The following RIMBP2 variants were observed in gnomAD, a reference collection of about 807,000 sequenced individuals.
RIMBP2 encodes the protein RIMS binding protein 2, also known as RIMS-binding protein 2.
In RIMBP2, 48 loss-of-function variants were observed where a neutral mutation model predicts 118.6. That is an observed-to-expected ratio of 0.40 (90% CI 0.32 to 0.51). The LOEUF (loss-of-function observed/expected upper bound fraction) is 0.51, where lower values mean the gene tolerates loss of function less well. RIMBP2 is among the 20% of genes least tolerant of loss of function. RIMBP2 has a pLI of 0.41. For synonymous variants in RIMBP2, 762 were observed against 742.9 expected, an observed-to-expected ratio of 1.03 and a Z score of -0.42; for missense variants, 1,551 against 1,768.3, an observed-to-expected ratio of 0.88 and a Z score of 2.20.
chr12:130,439,253 T>C (rs1284811356), intron 11 of RIMBP2, among the ~76,000 whole-genome samples: 1 of 151,918 alleles, frequency 6.6e-6, no homozygotes, highest in Non-Finnish European at 1.5e-5. Context: ...TGTATGTATA[T>C]GTACATGTGT....
At chr12:130,435,582 C>G (rs763387295) in intron 13 of RIMBP2, among the ~76,000 whole-genome samples, 5 of 152,186 alleles carry the variant, frequency 3.3e-5, no homozygotes, top group Non-Finnish European at 5.9e-5. Context: ...GTCCTGCCCA[C>G]GGCCTCCCCA....
rs572127584 is a variant in RIMBP2, at chr12:130,520,473, T to C, written c.-216-2556A>G. Among the ~76,000 whole-genome samples, 6 of 151,890 alleles carry C rather than the reference T, an allele frequency of 4.0e-5. No homozygotes were observed. In the South Asian group the frequency reaches 6.3e-4, roughly 16 times the overall value. ...TGAGGTCAGGAGTTCAAGACCAGCC[T>C]GGTCATGGTGAAACCCCGCCTCTAC... On this transcript the variant is annotated intron_variant, in intron 2 of 22. Transcript: ENST00000690449.
intron 11 of RIMBP2, among the ~76,000 whole-genome samples, chr12:130,440,989 T>C (rs1036692823): frequency 6.6e-6 from 1 of 151,646 alleles, no homozygotes; most frequent in Non-Finnish European, 1.5e-5. Context: ...CTCCCTACCA[T>C]CTCCCCAGGA....
chr12:130,678,918 G>A lies in RIMBP2; in HGVS notation c.-352+37304C>T, dbSNP rs576854623. On this transcript the variant is annotated intron_variant, in intron 1 of 22. Transcript: ENST00000690449. ...CGGGGGCTTGGAGTGGGGATGAGGC[G>A]TGACGGCCAGAGGGGACAGGGTTTG... Among the ~76,000 whole-genome samples, 6 of 152,312 alleles carry A rather than the reference G, an allele frequency of 3.9e-5. 1 individual carries two copies. In the South Asian group the frequency reaches 8.3e-4, roughly 21 times the overall value.
chr12:130,710,748 T>G lies in RIMBP2; in HGVS notation c.-352+5474A>C, dbSNP rs964808063. On this transcript the variant is annotated intron_variant, in intron 1 of 22. Coordinates refer to ENST00000690449, the MANE Select transcript of RIMBP2 (RefSeq NM_001393629.1). This position sits in a 1 kb window ranked among gnomAD's most constrained non-coding sequence, Gnocchi z 4.3. Reference sequence around the variant, plus strand: ...CACACTGGGTCTCTCCAGCAAGTGCTTATCCAGCACCTACTAATGACAGAC... The same window carrying G: ...CACACTGGGTCTCTCCAGCAAGTGCGTATCCAGCACCTACTAATGACAGAC... 3.9e-5 allele frequency among the ~76,000 whole-genome samples: 6 copies of G among 152,202 alleles called. No homozygotes were observed. Among genetic ancestry groups the G allele is most frequent in the Non-Finnish European group, 8.8e-5 (6 of 68,038 alleles).
rs112485049 is a variant in RIMBP2, at chr12:130,532,778, C to T, written c.-216-14861G>A. Among the ~76,000 whole-genome samples the T allele has an allele frequency of 9.0e-3, 1,325 of 147,518 alleles. 14 individuals are homozygous for T. Among genetic ancestry groups the T allele is most frequent in the African/African-American group, 0.031 (1,249 of 39,954 alleles). On this transcript the variant is annotated intron_variant, in intron 2 of 22. Coordinates refer to ENST00000690449, the MANE Select transcript of RIMBP2 (RefSeq NM_001393629.1). Reference sequence around the variant, plus strand: ...CTAATGAGATGCGTGTGTTCAGCCTCTAGGAGTTACGTCTAATGAGATGCG... The same window carrying T: ...CTAATGAGATGCGTGTGTTCAGCCTTTAGGAGTTACGTCTAATGAGATGCG...
chr12:130,697,170 C>T (rs922667302), intron 1 of RIMBP2, among the ~76,000 whole-genome samples: 36 of 152,134 alleles, frequency 2.4e-4, no homozygotes, highest in African/African-American at 8.7e-4. Flanking sequence ...GACACAATAC[C>T]GGACGAAAGC....
At chr12:130,461,841 C>T (rs2398516) in intron 6 of RIMBP2, among the ~76,000 whole-genome samples, 143,430 of 152,248 alleles carry the variant, frequency 0.94, 68,153 homozygotes, top group East Asian at 1. Context: ...GTACAGCCTA[C>T]AGGACCATCA....
At chr12:130,509,579 A>G (rs528285897) in intron 3 of RIMBP2, among the ~76,000 whole-genome samples, 1 of 152,146 alleles carries the variant, frequency 6.6e-6, no homozygotes, top group Non-Finnish European at 1.5e-5. Flanking sequence ...GGGTGGTGGA[A>G]CTGGGGTAAC....
At chr12:130,568,928 C>G (rs74416475) in intron 2 of RIMBP2, among the ~76,000 whole-genome samples, 6 of 152,032 alleles carry the variant, frequency 3.9e-5, no homozygotes, top group African/African-American at 1.2e-4. Flanking sequence ...TAAAATGCCA[C>G]GTGCCCTCCT....
chr12:130,699,270 C>T (rs1390851787), intron 1 of RIMBP2, among the ~76,000 whole-genome samples: 2 of 152,256 alleles, frequency 1.3e-5, no homozygotes, highest in Admixed American at 1.3e-4. Flanking sequence ...TATAAAGACA[C>T]ATGCACACGT....
chr12:130,641,964 T>C (rs528230429), intron 1 of RIMBP2, among the ~76,000 whole-genome samples: 2 of 152,174 alleles, frequency 1.3e-5, no homozygotes, highest in Admixed American at 1.3e-4. Flanking sequence ...CTACCCCCAT[T>C]GTACAGATGA....
At chr12:130,642,080 C>A (rs1389798795) in intron 1 of RIMBP2, among the ~76,000 whole-genome samples, 4 of 152,110 alleles carry the variant, frequency 2.6e-5, no homozygotes, top group African/African-American at 7.2e-5. Flanking sequence ...AGCCATGTTT[C>A]TAACCACTGT....
intron 6 of RIMBP2, among the ~76,000 whole-genome samples, chr12:130,467,603 A>G (rs1310910623): frequency 6.6e-6 from 1 of 152,232 alleles, no homozygotes; most frequent in East Asian, 1.9e-4. Context: ...CCAGCTCTGC[A>G]TGAATTACTC....
intron 2 of RIMBP2, among the ~76,000 whole-genome samples, chr12:130,610,208 C>T (rs112380176): frequency 0.021 from 3,144 of 151,534 alleles, 54 homozygotes; most frequent in African/African-American, 0.052. Context: ...CTGCTCCTCC[C>T]GGTCCCTCCC....
chr12:130,509,731 C>A (rs1566169271), intron 3 of RIMBP2, among the ~76,000 whole-genome samples: 3 of 150,812 alleles, frequency 2.0e-5, no homozygotes, highest in South Asian at 2.2e-4. Flanking sequence ...CCTCTGCCCC[C>A]CCGCCCCGGC....
At chr12:130,635,177 A>G (rs997950816) in intron 1 of RIMBP2, among the ~76,000 whole-genome samples, 2 of 152,042 alleles carry the variant, frequency 1.3e-5, no homozygotes, top group Non-Finnish European at 2.9e-5. Flanking sequence ...TCAGCAGTTC[A>G]TTTTCTCCAC....
chr12:130,413,820 T>A (rs1384076629), intron 18 of RIMBP2, among the ~76,000 whole-genome samples: 1 of 152,070 alleles, frequency 6.6e-6, no homozygotes, highest in Non-Finnish European at 1.5e-5. Context: ...GACTGACAAG[T>A]GTTGTTTTAA....
intron 1 of RIMBP2, among the ~76,000 whole-genome samples, chr12:130,704,405 T>C (rs530199296): frequency 6.6e-6 from 1 of 152,164 alleles, no homozygotes; most frequent in East Asian, 1.9e-4. Context: ...CGAAACCCTG[T>C]CTCCACTAAA....
Sources: allele counts gnomAD v4.1 joint callset (sites outside exome capture counted in the v4.1 genomes callset), GRCh38; gene constraint gnomAD v4.1.1; non-coding constraint Gnocchi (gnomAD v3.1); transcripts MANE v1.5; gene names NCBI Gene and HGNC (gene_info 2026-07-23, HGNC 2026-07-21).